Variants in AMZ1 observed in about 807,000 individuals in gnomAD.
The protein encoded by AMZ1 is archaemetzincin-1.
Under a neutral mutation model 29.9 loss-of-function variants are expected in AMZ1, and 39 were observed. The observed-to-expected ratio is 1.30, with a 90% CI of 1.01 to 1.70. The LOEUF is 1.70. Ranked by LOEUF, AMZ1 falls within the 40% of genes most tolerant of loss-of-function variation. The pLI, the probability that AMZ1 is intolerant of heterozygous loss-of-function variation, is 0.00. For missense variants in AMZ1, 1,041 were observed against 680.6 expected (o/e 1.53, Z -5.89); for synonymous variants, 458 against 304.0 (o/e 1.51, Z -5.27).
chr7:2,752,340 C>T (rs1048616425), intron 4 of AMZ1, among the ~76,000 whole-genome samples: 16 of 152,204 alleles, frequency 1.1e-4, no homozygotes, highest in African/African-American at 3.9e-4. Flanking sequence ...CATCCTAAGT[C>T]ATGGTGGACC....
At chr7:2,763,108 G>A, upstream of AMZ1, 1 of 1,245,588 alleles carries the variant, frequency 8.0e-7, no homozygotes, top group Non-Finnish European at 1.0e-6. Flanking sequence ...AGCAGCCTCT[G>A]AAGTCATCTT....
In AMZ1 at chr7:2,709,621, T is replaced by G. The variant is rs543306130; in HGVS notation, c.772-19T>G. On this transcript the variant is annotated intron_variant, in intron 5 of 6. Transcript: ENST00000683327. ...GGGGCAAGGCAGTGAGGCAAGGTGC[T>G]TGGTGGCCTTCCCCCCAGGTCACGT... 3.2e-5 allele frequency: 52 copies of G among 1,604,166 alleles called. No homozygotes were observed. The highest frequency in any genetic ancestry group is 1.0e-4 in the Admixed American group (6 of 59,320).
At chr7:2,735,912 C>G (rs533033069) in intron 4 of AMZ1, among the ~76,000 whole-genome samples, 108 of 152,224 alleles carry the variant, frequency 7.1e-4, no homozygotes, top group Middle Eastern at 3.4e-3. Flanking sequence ...GAAGGGGACA[C>G]AGAGCAACCC....
At chr7:2,697,776 T>C (rs1426251818) in intron 1 of AMZ1, among the ~76,000 whole-genome samples, 1 of 152,130 alleles carries the variant, frequency 6.6e-6, no homozygotes, top group African/African-American at 2.4e-5. Context: ...GCTCAAGATT[T>C]ATGAAGCAAA....
intron 1 of AMZ1, among the ~76,000 whole-genome samples, chr7:2,681,909 G>A (rs932163605): frequency 6.9e-6 from 1 of 144,414 alleles, no homozygotes; most frequent in East Asian, 2.1e-4. Flanking sequence ...ATGGACAGGC[G>A]GCCCCTCCCT....
At chr7:2,707,727 T>C (rs940332624) in intron 3 of AMZ1, among the ~76,000 whole-genome samples, 1 of 151,786 alleles carries the variant, frequency 6.6e-6, no homozygotes, top group African/African-American at 2.4e-5. Context: ...GGCACCCGTA[T>C]CCTTGGCTAA....
downstream of AMZ1, among the ~76,000 whole-genome samples, chr7:2,722,355 C>G (rs1484988193): frequency 6.6e-6 from 1 of 151,868 alleles, no homozygotes; most frequent in Non-Finnish European, 1.5e-5. Flanking sequence ...TCACTGCAAG[C>G]TCTGCCTCCC....
At chr7:2,741,735 T>C (rs1398270731) in intron 4 of AMZ1, among the ~76,000 whole-genome samples, 1 of 151,964 alleles carries the variant, frequency 6.6e-6, no homozygotes, top group Non-Finnish European at 1.5e-5. Context: ...GAGAGCAAGT[T>C]GTTTACCCCT....
intron 4 of AMZ1, chr7:2,733,436 G>A: frequency 6.2e-7 from 1 of 1,611,732 alleles, no homozygotes; most frequent in Non-Finnish European, 8.5e-7. Context: ...TCTTCGGGCG[G>A]GCGTGCTTAC....
downstream of AMZ1, among the ~76,000 whole-genome samples, chr7:2,724,676 G>A (rs907417347): frequency 2.6e-5 from 4 of 152,154 alleles, no homozygotes; most frequent in Non-Finnish European, 5.9e-5. Flanking sequence ...AAAACCAAAG[G>A]GAGAAAATAA....
intron 4 of AMZ1, among the ~76,000 whole-genome samples, chr7:2,725,726 G>A (rs1298019880): frequency 1.3e-5 from 2 of 152,240 alleles, no homozygotes; most frequent in Non-Finnish European, 1.5e-5. Context: ...GTCAGCCGCC[G>A]TTGAGGCCTG....
In AMZ1 at chr7:2,700,328, GAGCCCCCGGT is replaced by G. The variant is rs1234803325; in HGVS notation, c.-119_-110del. On this transcript the variant is annotated 5_prime_UTR_variant, in exon 2 of 7. Coordinates refer to ENST00000683327, the MANE Select transcript of AMZ1 (RefSeq NM_001384743.1). ...CCTTGGACCAGTGTCTGTCTGCAGG[GAGCCCCCGGT>G]AGCCACTCGGATCAGCCCGAGGGAA... 1.8e-6 allele frequency: 2 copies of G among 1,131,932 alleles called. No homozygotes were observed. The highest frequency in any genetic ancestry group is 2.5e-6 in the Non-Finnish European group (2 of 814,068). The allele number at this position is 1,131,932 out of a possible 1,614,324, so 70.1% of individuals were successfully genotyped here.
At chr7:2,737,274 GTTTTT>G (rs1041056812) in intron 4 of AMZ1, among the ~76,000 whole-genome samples, 4 of 35,042 alleles carry the variant, frequency 1.1e-4, no homozygotes, top group African/African-American at 3.9e-4. Flanking sequence ...GTTTTGTTTT[GTTTTT>G]TTTTTTTTTG....
intron 4 of AMZ1, among the ~76,000 whole-genome samples, chr7:2,725,237 G>A (rs1213840716): frequency 1.3e-5 from 2 of 152,222 alleles, no homozygotes; most frequent in South Asian, 2.1e-4. Context: ...CAGGTCCTCC[G>A]GGTTCAGGGG....
intron 4 of AMZ1, among the ~76,000 whole-genome samples, chr7:2,737,347 G>A (rs1238428457): frequency 7.7e-6 from 1 of 130,088 alleles, no homozygotes; most frequent in Non-Finnish European, 1.5e-5. Flanking sequence ...GGAGTGCAGT[G>A]GTGTGATCTT....
intron 3 of AMZ1, among the ~76,000 whole-genome samples, chr7:2,708,042 C>G (rs954361837): frequency 1.3e-5 from 2 of 152,116 alleles, no homozygotes; most frequent in East Asian, 1.9e-4. Context: ...AGGCTGGTCT[C>G]GAACTCCTGA....
intron 1 of AMZ1, among the ~76,000 whole-genome samples, chr7:2,699,291 C>G (rs141037215): frequency 6.6e-6 from 1 of 152,170 alleles, no homozygotes; most frequent in Non-Finnish European, 1.5e-5. Flanking sequence ...GCTGCTGCTC[C>G]GGTCAGAGCA....
At chr7:2,727,207 G>A (rs531165860) in intron 4 of AMZ1, among the ~76,000 whole-genome samples, 1 of 152,022 alleles carries the variant, frequency 6.6e-6, no homozygotes, top group Non-Finnish European at 1.5e-5. Context: ...TCTGCTTTCC[G>A]AGTAGCTAGG....
In AMZ1 at chr7:2,691,627, G is replaced by A. The variant is rs1387835149; in HGVS notation, c.-219+3331G>A. 2.8e-5 allele frequency among the ~76,000 whole-genome samples: 4 copies of A among 140,738 alleles called. No homozygotes were observed. In the East Asian group the frequency reaches 5.8e-4, roughly 21 times the overall value. The allele number at this position is 140,738 out of a possible 152,430, so 92.3% of individuals were successfully genotyped here. On this transcript the variant is annotated intron_variant, in intron 1 of 6. Transcript: ENST00000683327. ...GTGGTCGTGAGCGCCTGCAGTCCCA[G>A]CTGTTCGGGAGGCTCAGGCAGTGAA...
Sources: gnomAD v4.1 joint callset for allele counts (sites outside exome capture counted in the v4.1 genomes callset) on GRCh38, gnomAD v4.1.1 for gene constraint, MANE v1.5 for transcripts, NCBI Gene and HGNC (gene_info 2026-07-23, HGNC 2026-07-21) for gene names.